The following CNTNAP4 variants were observed in gnomAD, a reference collection of about 807,000 sequenced individuals.
CNTNAP4 encodes the protein contactin-associated protein-like 4.
Under a neutral mutation model 148.4 loss-of-function variants are expected in CNTNAP4, and 98 were observed. The observed-to-expected ratio is 0.66, with a 90% CI of 0.56 to 0.78. The LOEUF is 0.78. Among genes scored for constraint, CNTNAP4 ranks in the 30% least tolerant of loss-of-function variants. The pLI, the probability that CNTNAP4 is intolerant of heterozygous loss-of-function variation, is 0.00. For missense variants in CNTNAP4, 1,935 were observed against 1,565.6 expected, an observed-to-expected ratio of 1.24 and a Z score of -3.98; for synonymous variants, 730 against 565.1, an observed-to-expected ratio of 1.29 and a Z score of -4.14.
intron 1 of CNTNAP4, among the ~76,000 whole-genome samples, chr16:76,283,020 C>G (rs1958746413): frequency 6.6e-6 from 1 of 151,694 alleles, no homozygotes; most frequent in South Asian, 2.1e-4. Context: ...ACCAAAAAAA[C>G]TAGGATAGTC....
Position 76,522,099 on chromosome 16 carries a change from A to G in CNTNAP4, c.2597A>G (p.Gln866Arg). The change falls in exon 17 of 24, where the codon CAG becomes CGG. Residue 866 changes from glutamine to arginine, a missense_variant. By Grantham distance (43) the Gln-to-Arg change is conservative. Transcript: ENST00000611870. ...AATGGGCCTTTTGAAATCTCAGTGC[A>G]GTCACCCACCCACTTCAACGACAAC... ...VGNGPFEISV[Q>R]SPTHFNDNQW... 6.2e-7 allele frequency: 1 copy of G among 1,613,980 alleles called. No individual in the cohort carries two copies. Among genetic ancestry groups the G allele is most frequent in the Non-Finnish European group, 8.5e-7 (1 of 1,179,874 alleles).
intron 1 of CNTNAP4, among the ~76,000 whole-genome samples, chr16:76,288,927 T>A (rs1241563273): frequency 6.6e-6 from 1 of 152,212 alleles, no homozygotes; most frequent in Non-Finnish European, 1.5e-5. Context: ...AAACTTTGAC[T>A]TTGTATTTAA....
chr16:76,355,570 C>T, intron 3 of CNTNAP4, 59 bp downstream of exon 3: 1 of 1,230,910 alleles, frequency 8.1e-7, no homozygotes, highest in East Asian at 2.8e-5. Context: ...AGTACTGCAT[C>T]TTGTTTACCA....
intron 3 of CNTNAP4, among the ~76,000 whole-genome samples, chr16:76,409,893 A>G (rs192096408): frequency 2.8e-4 from 42 of 151,976 alleles, no homozygotes; most frequent in Middle Eastern, 3.4e-3. Flanking sequence ...TCACTATACA[A>G]CACAACAATC....
At chr16:76,535,821 A>T in intron 18 of CNTNAP4, 37 bp downstream of exon 18, 1 of 1,579,934 alleles carries the variant, frequency 6.3e-7, no homozygotes, top group Non-Finnish European at 8.6e-7. Context: ...AGGAAAATTT[A>T]TTCAATGTGG....
intron 13 of CNTNAP4, 145 bp from the exon 14 acceptor site, chr16:76,494,765 T>A (rs1035986320): frequency 1.2e-6 from 1 of 801,942 alleles, no homozygotes; most frequent in African/African-American, 1.7e-5. Context: ...GCAATCATAC[T>A]GTTTTGCATA....
intron 3 of CNTNAP4, among the ~76,000 whole-genome samples, chr16:76,423,055 C>T (rs764768176): frequency 6.6e-6 from 1 of 152,116 alleles, no homozygotes; most frequent in Non-Finnish European, 1.5e-5. Flanking sequence ...CGATGTGAGA[C>T]TACAGCTAGA....
At chr16:76,358,409 A>G (rs2012981065) in intron 3 of CNTNAP4, among the ~76,000 whole-genome samples, 1 of 152,222 alleles carries the variant, frequency 6.6e-6, no homozygotes, top group Admixed American at 6.5e-5. Flanking sequence ...AGAAAGATTA[A>G]GCGGAACATG....
chr16:76,313,791 A>G (rs1362605039), intron 1 of CNTNAP4, among the ~76,000 whole-genome samples: 3 of 152,362 alleles, frequency 2.0e-5, no homozygotes, highest in Middle Eastern at 3.4e-3. Flanking sequence ...GTGAATCTAG[A>G]TAATTCTTAG....
At chr16:76,369,027 T>C (rs777954069) in intron 3 of CNTNAP4, among the ~76,000 whole-genome samples, 13 of 151,068 alleles carry the variant, frequency 8.6e-5, no homozygotes, top group Non-Finnish European at 1.8e-4. Flanking sequence ...CCTTAGTTTT[T>C]TTTGTTTTTT....
intron 18 of CNTNAP4, among the ~76,000 whole-genome samples, chr16:76,536,401 G>T (rs928237145): frequency 6.6e-6 from 1 of 151,994 alleles, no homozygotes; most frequent in African/African-American, 2.4e-5. Flanking sequence ...TCACCATGTT[G>T]CCCAGGCTGG....
intron 17 of CNTNAP4, among the ~76,000 whole-genome samples, chr16:76,523,611 A>G (rs908595581): frequency 6.6e-6 from 1 of 152,166 alleles, no homozygotes; most frequent in Non-Finnish European, 1.5e-5. Flanking sequence ...ATAAAACACT[A>G]TAAAGCAGAA....
intron 3 of CNTNAP4, among the ~76,000 whole-genome samples, chr16:76,378,280 A>G (rs376349595): frequency 7.9e-5 from 12 of 152,154 alleles, no homozygotes; most frequent in African/African-American, 2.9e-4. Context: ...TAAATCTATC[A>G]AATTAAAAAA....
chr16:76,301,417 A>G (rs1959954049), intron 1 of CNTNAP4, among the ~76,000 whole-genome samples: 2 of 152,194 alleles, frequency 1.3e-5, no homozygotes, highest in Non-Finnish European at 2.9e-5. Flanking sequence ...AATTGAATTG[A>G]AACAGGTGTT....
At chr16:76,499,158 C>T (rs1162911044) in intron 15 of CNTNAP4, among the ~76,000 whole-genome samples, 1 of 150,872 alleles carries the variant, frequency 6.6e-6, no homozygotes, top group South Asian at 2.1e-4. Context: ...AGCTCTGCCT[C>T]CTGGATTCAC....
chr16:76,470,916 C>T (rs2081346769), intron 10 of CNTNAP4, among the ~76,000 whole-genome samples: 1 of 152,116 alleles, frequency 6.6e-6, no homozygotes, highest in Non-Finnish European at 1.5e-5. Flanking sequence ...TGCTCATTCA[C>T]ATAGTCCAAA....
At chr16:76,515,376 A>C (rs1245824168) in intron 15 of CNTNAP4, among the ~76,000 whole-genome samples, 1 of 152,176 alleles carries the variant, frequency 6.6e-6, no homozygotes, top group Non-Finnish European at 1.5e-5. Flanking sequence ...TGAGGTGGTA[A>C]GGGTGGTGCC....
chr16:76,278,234 T>A (rs1450560455), intron 1 of CNTNAP4, among the ~76,000 whole-genome samples: 1 of 152,200 alleles, frequency 6.6e-6, no homozygotes, highest in East Asian at 1.9e-4. Context: ...GGCTAATAAC[T>A]GAAATGTACT....
chr16:76,307,539 T>TATATATAA (rs558814796), intron 1 of CNTNAP4, among the ~76,000 whole-genome samples: 1 of 119,378 alleles, frequency 8.4e-6, no homozygotes, highest in Non-Finnish European at 1.6e-5. Flanking sequence ...TATATATATA[T>TATATATAA]ACCAAACTCC....
Sources: gnomAD v4.1 joint callset for allele counts (sites outside exome capture counted in the v4.1 genomes callset) on GRCh38, gnomAD v4.1.1 for gene constraint, MANE v1.5 for transcripts, NCBI Gene and HGNC (gene_info 2026-07-23, HGNC 2026-07-21) for gene names.